ANXA1: variants seen among roughly 807,000 people sequenced by gnomAD.
The protein encoded by ANXA1 is annexin A1.
A neutral mutation model predicts 47.9 loss-of-function variants in ANXA1; 39 were observed. The ratio of observed to expected loss-of-function variants is 0.81; its 90% CI spans 0.63 to 1.06. The LOEUF is 1.06. ANXA1 is among the 50% of genes least tolerant of loss of function. The probability of loss-of-function intolerance (pLI) is 0.00; values close to 1 mark genes in which losing one functional copy is unlikely to be tolerated. For synonymous variants in ANXA1, 146 were observed against 142.5 expected, an observed-to-expected ratio of 1.02 and a Z score of -0.17; for missense variants, 446 against 422.7, an observed-to-expected ratio of 1.06 and a Z score of -0.48.
Position 73,154,394 on chromosome 9 carries a change from TC to T in ANXA1, c.-15+2473del. 2.3e-6 allele frequency: 3 copies of T among 1,290,950 alleles called. No individual in the cohort carries two copies. In the South Asian group the frequency reaches 3.5e-5, roughly 15 times the overall value. The allele number at this position is 1,290,950 out of a possible 1,614,324, so 80.0% of individuals were successfully genotyped here. On this transcript the variant is annotated intron_variant, in intron 1 of 12. Transcript: ENST00000257497. Reference sequence around the variant, plus strand: ...TGTCATTTTCTTTTTGGTCACTAATTCCCTCCCTCCCTTCTCTTTCTTTTCT... The same window carrying T: ...TGTCATTTTCTTTTTGGTCACTAATTCCTCCCTCCCTTCTCTTTCTTTTCT...
intron 8 of ANXA1, 139 bp downstream of exon 8, chr9:73,163,671 A>G: frequency 3.9e-6 from 3 of 770,384 alleles, no homozygotes; most frequent in East Asian, 3.1e-5. Flanking sequence ...TGAATGAGGC[A>G]TGTCTTTCTG....
At chr9:73,169,406 A>G (rs994156720) in intron 12 of ANXA1, among the ~76,000 whole-genome samples, 1 of 152,094 alleles carries the variant, frequency 6.6e-6, no homozygotes, top group African/African-American at 2.4e-5. Flanking sequence ...TAAATTCAGC[A>G]AGCAGAATAT....
rs147500890 is a variant in ANXA1, at chr9:73,160,167, A to T, written c.271-96A>T. 5.0e-5 allele frequency: 37 copies of T among 736,612 alleles called. No individual in the cohort carries two copies. The East Asian group carries it at 1.0e-3, about 21-fold the overall frequency. The allele number at this position is 736,612 out of a possible 1,614,324, so 45.6% of individuals were successfully genotyped here. ...CTCTAAAAGATGGTTGGGTTTAGGGATGAGTTGTACGATGACCTAAAGTCA... is the reference window on the plus strand; with the variant it reads ...CTCTAAAAGATGGTTGGGTTTAGGGTTGAGTTGTACGATGACCTAAAGTCA... On this transcript the variant is annotated intron_variant, in intron 4 of 12. Transcript: ENST00000257497.
In ANXA1 at chr9:73,166,229, G is replaced by C. The variant is rs370169111; in HGVS notation, c.802+37G>C. ...AGCAGTTGAAAGAGTTTTCTAACTA[G>C]AAATTGTATTTTCAAAGCTATCCTA... On this transcript the variant is annotated intron_variant, in intron 10 of 12. Transcript: ENST00000257497. 3.1e-4 allele frequency: 450 copies of C among 1,465,428 alleles called. 2 individuals carry two copies. The highest frequency in any genetic ancestry group is 4.0e-4 in the Non-Finnish European group (420 of 1,061,378). The allele number at this position is 1,465,428 out of a possible 1,614,324, so 90.8% of individuals were successfully genotyped here. A position where few individuals can be genotyped will look rare whatever the true frequency, so the allele number is the denominator to read the frequency against.
In ANXA1 at chr9:73,158,567, C is replaced by G; in HGVS notation, c.32C>G (p.Ala11Gly). The part of the protein sequence containing the change: MAMVSEFLKQ[A>G]WFIENEEQEY... ...ATGGTATCAGAATTCCTCAAGCAGG[C>G]CTGGTTTATTGAAAATGAAGAGCAG... The change falls in exon 2 of 13, where the codon GCC (alanine) becomes GGC (glycine). Residue 11 changes from alanine to glycine, a missense_variant. Ala to Gly is a moderately conservative substitution (Grantham distance 60). Coordinates refer to ENST00000257497, the MANE Select transcript of ANXA1 (RefSeq NM_000700.3). 1 of 1,613,608 alleles carries G rather than the reference C, an allele frequency of 6.2e-7. No homozygotes were observed. Among genetic ancestry groups the G allele is most frequent in the Non-Finnish European group, 8.5e-7 (1 of 1,179,804 alleles).
chr9:73,165,532 C>CAA (rs111672053), intron 9 of ANXA1: 33 of 108,754 alleles, frequency 3.0e-4, no homozygotes, highest in Non-Finnish European at 3.3e-4. Context: ...TGAAGAAAAA[C>CAA]AAAAAAAAAA....
intron 1 of ANXA1, among the ~76,000 whole-genome samples, chr9:73,155,693 T>C (rs193219917): frequency 6.6e-6 from 1 of 152,306 alleles, no homozygotes; most frequent in Admixed American, 6.5e-5. Flanking sequence ...GATTCCGTTT[T>C]TCTCTAATTG....
intron 4 of ANXA1, 138 bp from the exon 5 acceptor site, chr9:73,160,125 T>A: frequency 5.8e-6 from 3 of 514,626 alleles, no homozygotes; most frequent in Non-Finnish European, 1.0e-5. Context: ...GTACACTTTG[T>A]ATGTGAAGGG....
rs374463316 is a variant in ANXA1 at position 73,158,494 on chromosome 9, T to C, written c.-14-28T>C. ...GGTTGTGTGTGGTGCATTTGTTTTG[T>C]AAAAGCATCTAACTGTTTTCTTTCC... On this transcript the variant is annotated intron_variant, in intron 1 of 12. Coordinates refer to ENST00000257497, the MANE Select transcript of ANXA1 (RefSeq NM_000700.3). 58 of 1,581,190 alleles carry C rather than the reference T, an allele frequency of 3.7e-5. 1 individual carries two copies. The Middle Eastern group carries it at 1.9e-3, about 53-fold the overall frequency.
At position 73,165,111 on chromosome 9, in the gene ANXA1, G is replaced by T. The variant is rs201583819; in HGVS notation, c.613-5G>T. ...TGAAGTGTTTACTTTTGTGTTTCTT[G>T]ACAGGCCTTGTATGAAGCAGGAGAA... is the stretch of plus-strand genomic sequence containing the variant. On this transcript the variant is annotated splice_polypyrimidine_tract_variant and splice_region_variant and intron_variant, in intron 8 of 12. Coordinates refer to ENST00000257497, the MANE Select transcript of ANXA1 (RefSeq NM_000700.3). The T allele has an allele frequency of 4.3e-6, 7 of 1,610,974 alleles. No homozygotes were observed. Among genetic ancestry groups the T allele is most frequent in the Non-Finnish European group, 5.9e-6 (7 of 1,178,012 alleles).
chr9:73,169,994 A>G lies in ANXA1; in HGVS notation c.985-57A>G, dbSNP rs1824295978. 7 of 1,347,294 alleles carry G rather than the reference A, an allele frequency of 5.2e-6. No homozygotes were observed. The South Asian group carries it at 9.5e-5, about 18-fold the overall frequency. 83.5% of individuals were successfully genotyped at this position (1,347,294 alleles called of 1,614,324 possible). A position where few individuals can be genotyped will look rare whatever the true frequency, so the allele number is the denominator to read the frequency against. ...AAAATAATTCTTCTATAAGTAAAAA[A>G]AAATAGAGAATTATGGTTTCGACTA... On this transcript the variant is annotated intron_variant, in intron 12 of 12. Transcript: ENST00000257497.
intron 1 of ANXA1, among the ~76,000 whole-genome samples, chr9:73,153,543 T>C (rs1412577253): frequency 6.6e-6 from 1 of 152,220 alleles, no homozygotes; most frequent in Admixed American, 6.5e-5. Flanking sequence ...TCTTAGATGA[T>C]AATTACTTCA....
intron 6 of ANXA1, among the ~76,000 whole-genome samples, chr9:73,161,396 A>C (rs903299514): frequency 1.3e-5 from 2 of 152,198 alleles, no homozygotes; most frequent in Non-Finnish European, 2.9e-5. Context: ...TTATGAACAT[A>C]AGAGACTCAC....
chr9:73,159,517 T>C, intron 4 of ANXA1, 94 bp downstream of exon 4: 1 of 1,011,414 alleles, frequency 9.9e-7, no homozygotes, highest in Middle Eastern at 2.1e-4. Context: ...TTTAAGGTTC[T>C]AACCACTGTT....
chr9:73,167,531 A>T lies in ANXA1; in HGVS notation c.837A>T (p.Ala279=). ...KCATSKPAFF[A]EKLHQAMKGV... ...CCACAAGCAAACCAGCTTTCTTTGC[A>T]GAGAAGCTTCATCAAGCCATGAAAG... is the stretch of plus-strand genomic sequence containing the variant. Residue 279 remains alanine (A), a synonymous_variant, in exon 11 of 13, where the codon GCA becomes GCT. Coordinates refer to ENST00000257497, the MANE Select transcript of ANXA1 (RefSeq NM_000700.3). The T allele has an allele frequency of 6.2e-7, 1 of 1,613,500 alleles. No individual in the cohort carries two copies. The highest frequency in any genetic ancestry group is 8.5e-7 in the Non-Finnish European group (1 of 1,179,538).
chr9:73,160,743 T>C (rs1824128093), intron 5 of ANXA1, 60 bp from the exon 6 acceptor site: 5 of 1,325,758 alleles, frequency 3.8e-6, no homozygotes, highest in Non-Finnish European at 5.3e-6. Context: ...CAAAAACTCA[T>C]TGATCCTCTT....
chr9:73,166,053 A>C, intron 9 of ANXA1, 44 bp from the exon 10 acceptor site: 1 of 1,465,928 alleles, frequency 6.8e-7, no homozygotes, highest in Non-Finnish European at 9.3e-7. Context: ...CTTTCTAAAG[A>C]AAAGGATGTT....
intron 11 of ANXA1, chr9:73,168,757 T>C (rs1824274219): frequency 4.8e-6 from 1 of 209,574 alleles, no homozygotes; most frequent in East Asian, 9.5e-5. Context: ...TTCCCTTTTT[T>C]TGTAATTATT....
At chr9:73,157,398 A>G (rs906548631) in intron 1 of ANXA1, among the ~76,000 whole-genome samples, 1 of 152,104 alleles carries the variant, frequency 6.6e-6, no homozygotes, top group Admixed American at 6.6e-5. Flanking sequence ...TCACACCTGT[A>G]ATTCCAGCAC....
Sources: gnomAD v4.1 joint callset for allele counts (sites outside exome capture counted in the v4.1 genomes callset) on GRCh38, gnomAD v4.1.1 for gene constraint, MANE v1.5 for transcripts, NCBI Gene and HGNC (gene_info 2026-07-23, HGNC 2026-07-21) for gene names.